Variants in FKTN observed in about 807,000 individuals in gnomAD.
The protein encoded by FKTN is fukutin.
In FKTN, 47 loss-of-function variants were observed where a neutral mutation model predicts 58.6. The observed-to-expected ratio is 0.80, with a 90% CI of 0.63 to 1.02. The LOEUF (loss-of-function observed/expected upper bound fraction) is 1.02. FKTN is among the 50% of genes least tolerant of loss of function. The pLI is 0.00. For missense variants in FKTN, 516 were observed against 537.3 expected (o/e 0.96, Z 0.39); for synonymous variants, 178 against 191.9 (o/e 0.93, Z 0.60).
At chr9:105,600,494 G>A (rs1048821870) in intron 4 of FKTN, among the ~76,000 whole-genome samples, 7 of 151,964 alleles carry the variant, frequency 4.6e-5, no homozygotes, top group Non-Finnish European at 1.0e-4. Flanking sequence ...TCATTCTACT[G>A]TTGAATTTTT....
intron 7 of FKTN, among the ~76,000 whole-genome samples, chr9:105,613,489 G>T (rs1373880634): frequency 6.6e-6 from 1 of 152,120 alleles, no homozygotes; most frequent in Admixed American, 6.6e-5. Flanking sequence ...CTACTATATT[G>T]TAAAAGAATT....
At chr9:105,563,167 A>C in intron 1 of FKTN, among the ~76,000 whole-genome samples, 1 of 152,206 alleles carries the variant, frequency 6.6e-6, no homozygotes, top group East Asian at 1.9e-4. Context: ...AAGAATATGC[A>C]GTGGGGTTCC....
At chr9:105,568,661 A>G (rs984414142) in intron 1 of FKTN, among the ~76,000 whole-genome samples, 1 of 152,226 alleles carries the variant, frequency 6.6e-6, no homozygotes. Flanking sequence ...GAGGATGTGG[A>G]GAAATAGGAA....
Position 105,639,368 on chromosome 9 carries a change from T to A in FKTN, c.*4104T>A. On this transcript the variant is annotated 3_prime_UTR_variant, in exon 11 of 11. Transcript: ENST00000357998. ...TTTTGAGTTAGGCCTGAATTTGAAT[T>A]TCAGCTTAATCATGTGGGATTTATG... 1 of 822,432 alleles carries A rather than the reference T, an allele frequency of 1.2e-6. No individual in the cohort carries two copies. The highest frequency in any genetic ancestry group is 1.5e-6 in the Non-Finnish European group (1 of 681,396). The allele number at this position is 822,432 out of a possible 1,614,324, so 50.9% of individuals were successfully genotyped here. A position where few individuals can be genotyped will look rare whatever the true frequency, so the allele number is the denominator to read the frequency against.
intron 1 of FKTN, among the ~76,000 whole-genome samples, chr9:105,562,600 T>A (rs1210189468): frequency 6.6e-6 from 1 of 152,242 alleles, no homozygotes; most frequent in African/African-American, 2.4e-5. Context: ...ATAATCCTAA[T>A]CTTGTAGTCT....
At chr9:105,602,111 GCAAGTTTC>G (rs1248213869) in intron 5 of FKTN, among the ~76,000 whole-genome samples, 1 of 152,136 alleles carries the variant, frequency 6.6e-6, no homozygotes, top group Non-Finnish European at 1.5e-5. Context: ...AAAATAGTGA[GCAAGTTTC>G]CAACAACAAA....
chr9:105,568,321 A>G (rs1265342644), intron 1 of FKTN, among the ~76,000 whole-genome samples: 4 of 152,254 alleles, frequency 2.6e-5, no homozygotes, highest in African/African-American at 9.6e-5. Flanking sequence ...GAGCTTCTGC[A>G]TAGCAAAAGA....
Position 105,592,167 on chromosome 9 carries a change from C to A in FKTN, c.106-4431C>A, listed in dbSNP as rs765987170. On this transcript the variant is annotated intron_variant, in intron 3 of 10. Transcript: ENST00000357998. ...CAAATTTCTGCAGCCTGCTTGAATT[C>A]CTCCCCTGAAAATAGACTTTTCTTT... Among the ~76,000 whole-genome samples the A allele has an allele frequency of 5.2e-4, 79 of 152,236 alleles. 1 individual carries two copies. Among genetic ancestry groups the A allele is most frequent in the Non-Finnish European group, 1.0e-3 (68 of 68,030 alleles).
intron 3 of FKTN, among the ~76,000 whole-genome samples, chr9:105,588,013 C>T (rs1281261461): frequency 6.6e-6 from 1 of 152,172 alleles, no homozygotes; most frequent in African/African-American, 2.4e-5. Flanking sequence ...TTGAAAAAGA[C>T]AGTTATTGAA....
At chr9:105,592,705 A>G (rs1364377843) in intron 3 of FKTN, among the ~76,000 whole-genome samples, 1 of 152,180 alleles carries the variant, frequency 6.6e-6, no homozygotes, top group African/African-American at 2.4e-5. Context: ...TCAGAGTTTC[A>G]CAGATCTCTA....
intron 10 of FKTN, among the ~76,000 whole-genome samples, chr9:105,629,994 G>A (rs1833207971): frequency 1.3e-5 from 2 of 152,104 alleles, no homozygotes; most frequent in South Asian, 4.1e-4. Context: ...ATTGAACAAT[G>A]AGAACACTTG....
Position 105,637,384 on chromosome 9 carries a change from C to T in FKTN, c.*2120C>T, listed in dbSNP as rs1834119930. On this transcript the variant is annotated 3_prime_UTR_variant, in exon 11 of 11. Transcript: ENST00000357998. ...GGTTCTATATTCTTCCCTACATAGA[C>T]CACTGGCTGCTGAAATACTTTTCTT... 1 of 985,332 alleles carries T rather than the reference C, an allele frequency of 1.0e-6. No homozygotes were observed. Among genetic ancestry groups the T allele is most frequent in the Middle Eastern group, 5.2e-4 (1 of 1,914 alleles). The allele number at this position is 985,332 out of a possible 1,614,324, so 61.0% of individuals were successfully genotyped here. A position where few individuals can be genotyped will look rare whatever the true frequency, so the allele number is the denominator to read the frequency against.
intron 3 of FKTN, among the ~76,000 whole-genome samples, chr9:105,577,671 T>A (rs1366456531): frequency 6.6e-6 from 1 of 151,200 alleles, no homozygotes; most frequent in Non-Finnish European, 1.5e-5. Flanking sequence ...TGGTTCCCTA[T>A]GAACTTTAAA....
At chr9:105,610,033 A>G (rs1829621182) in intron 7 of FKTN, among the ~76,000 whole-genome samples, 2 of 151,034 alleles carry the variant, frequency 1.3e-5, no homozygotes. Flanking sequence ...AATTATTTTC[A>G]TTATTTATTT....
rs113610995 is a variant in FKTN at position 105,636,942 on chromosome 9, T to C, written c.*1678T>C. On this transcript the variant is annotated 3_prime_UTR_variant, in exon 11 of 11. Coordinates refer to ENST00000357998, the MANE Select transcript of FKTN (RefSeq NM_001079802.2). The stretch of plus-strand genomic sequence containing the variant: ...AATTTGCATTCTCAATGCAGAATTA[T>C]TGGGTCTTTCATAAATAACATGAGT... 2.9e-6 allele frequency: 3 copies of C among 1,049,500 alleles called. No homozygotes were observed. Among genetic ancestry groups the C allele is most frequent in the Non-Finnish European group, 3.5e-6 (3 of 859,626 alleles). 65.0% of individuals were successfully genotyped at this position (1,049,500 alleles called of 1,614,324 possible).
intron 3 of FKTN, among the ~76,000 whole-genome samples, chr9:105,581,972 C>CT (rs1843025080): frequency 6.6e-6 from 1 of 152,192 alleles, no homozygotes; most frequent in Non-Finnish European, 1.5e-5. Flanking sequence ...AGAAAGGGAA[C>CT]TCCCTGACAC....
At chr9:105,572,335 A>G (rs544824790) in intron 1 of FKTN, among the ~76,000 whole-genome samples, 32 of 152,254 alleles carry the variant, frequency 2.1e-4, no homozygotes, top group African/African-American at 7.7e-4. Context: ...TGATTTTAAG[A>G]TGGTAAAGAC....
At chr9:105,570,460 C>T (rs1840546340) in intron 1 of FKTN, among the ~76,000 whole-genome samples, 1 of 152,138 alleles carries the variant, frequency 6.6e-6, no homozygotes, top group Non-Finnish European at 1.5e-5. Context: ...CTATATTTAT[C>T]TCTGATAGAG....
intron 3 of FKTN, among the ~76,000 whole-genome samples, chr9:105,593,977 T>G (rs1826269186): frequency 6.6e-6 from 1 of 152,216 alleles, no homozygotes; most frequent in Admixed American, 6.5e-5. Context: ...CAGAAAGTTG[T>G]TCTTTGGGAA....
Sources: allele counts gnomAD v4.1 joint callset (sites outside exome capture counted in the v4.1 genomes callset), GRCh38; gene constraint gnomAD v4.1.1; transcripts MANE v1.5; gene names NCBI Gene and HGNC (gene_info 2026-07-23, HGNC 2026-07-21).